PTBP3: variants seen among roughly 807,000 people sequenced by gnomAD.
The protein encoded by PTBP3 is polypyrimidine tract binding protein 3.
PTBP3 carries 20 observed loss-of-function variants against 58.7 expected under a neutral mutation model. The observed-to-expected ratio is 0.34, with a 90% CI of 0.24 to 0.50. The LOEUF is 0.50. Ranked by LOEUF, PTBP3 falls within the 20% of genes least tolerant of loss-of-function variation. The pLI is 0.98. For missense variants in PTBP3, 509 were observed against 637.2 expected (o/e 0.80, Z 2.17); for synonymous variants, 185 against 219.8 (o/e 0.84, Z 1.40).
intron 5 of PTBP3, 108 bp from the exon 6 acceptor site, chr9:112,252,896 G>C: frequency 1.5e-6 from 1 of 687,276 alleles, no homozygotes; most frequent in South Asian, 2.0e-5. Flanking sequence ...ATTTTCTCTT[G>C]AAAACTTTGG....
At chr9:112,344,886 A>G in the PTBP3 span, among the ~76,000 whole-genome samples, 1 of 152,122 alleles carries the variant, frequency 6.6e-6, no homozygotes, top group Non-Finnish European at 1.5e-5. Flanking sequence ...GTAATTCCAC[A>G]CTTTGGGAGG....
chr9:112,292,382 A>G (rs1358748413), intron 2 of PTBP3, among the ~76,000 whole-genome samples: 2 of 152,184 alleles, frequency 1.3e-5, no homozygotes, highest in African/African-American at 4.8e-5. Flanking sequence ...TCCTCAAAAT[A>G]ATAAAAAACA....
intron 1 of PTBP3, among the ~76,000 whole-genome samples, chr9:112,299,734 C>G (rs1362518611): frequency 6.6e-6 from 1 of 152,194 alleles, no homozygotes; most frequent in African/African-American, 2.4e-5. Context: ...ATTGACAACA[C>G]AGTTTTGTAA....
chr9:112,346,191 G>A, the PTBP3 span, among the ~76,000 whole-genome samples: 1 of 150,264 alleles, frequency 6.7e-6, no homozygotes, highest in Admixed American at 6.6e-5. Context: ...TTTCTGAAAC[G>A]AAGTCTTGCT....
the PTBP3 span, among the ~76,000 whole-genome samples, chr9:112,351,570 C>G: frequency 6.6e-6 from 1 of 152,192 alleles, no homozygotes; most frequent in Non-Finnish European, 1.5e-5. Context: ...GAGCTATGCT[C>G]TACTTCCTTG....
In PTBP3 at chr9:112,220,120, G is replaced by C. The variant is rs1194939322; in HGVS notation, c.*3731C>G. 1.6e-6 allele frequency: 2 copies of C among 1,280,080 alleles called. No individual in the cohort carries two copies. The highest frequency in any genetic ancestry group is 5.5e-5 in the East Asian group (1 of 18,254). 79.3% of individuals were successfully genotyped at this position (1,280,080 alleles called of 1,614,324 possible). On this transcript the variant is annotated 3_prime_UTR_variant, in exon 14 of 14. Coordinates refer to ENST00000374257, the MANE Select transcript of PTBP3 (RefSeq NM_001163788.4). ...TCTCTTTTTGGTTTTAAAAATAGCA[G>C]TACACATTAGGTTTTCTAAGGGATA... is the stretch of plus-strand genomic sequence containing the variant.
At chr9:112,243,448 A>G (rs1035558677) in intron 7 of PTBP3, among the ~76,000 whole-genome samples, 1 of 152,084 alleles carries the variant, frequency 6.6e-6, no homozygotes, top group Admixed American at 6.6e-5. Context: ...AGGCCGAGGC[A>G]TGAGAATTGC....
At position 112,289,779 on chromosome 9, in the gene PTBP3, T is replaced by TTG. The variant is rs200308648; in HGVS notation, c.34+8051_34+8052dup. Reference sequence around the variant, plus strand: ...CATCTACACACATATAATACTTATTTTGTGTGTGTGTATATATACATATAT... The same window carrying TTG: ...CATCTACACACATATAATACTTATTTTGTGTGTGTGTGTATATATACATATAT... On this transcript the variant is annotated intron_variant, in intron 2 of 13. Coordinates refer to ENST00000374257, the MANE Select transcript of PTBP3 (RefSeq NM_001163788.4). Among the ~76,000 whole-genome samples the TTG allele has an allele frequency of 7.3e-3, 1,105 of 152,258 alleles. 8 individuals are homozygous for TTG. Among genetic ancestry groups the TTG allele is most frequent in the Middle Eastern group, 0.017 (5 of 294 alleles).
chr9:112,284,068 A>C (rs1422804620), intron 2 of PTBP3, among the ~76,000 whole-genome samples: 1 of 152,212 alleles, frequency 6.6e-6, no homozygotes, highest in Non-Finnish European at 1.5e-5. Flanking sequence ...TGGAGCCCTC[A>C]TAGAGAAGCT....
chr9:112,310,582 G>A (rs1829433457), intron 1 of PTBP3, among the ~76,000 whole-genome samples: 1 of 152,082 alleles, frequency 6.6e-6, no homozygotes, highest in African/African-American at 2.4e-5. Context: ...GGAAGATTAG[G>A]GAACAAACGA....
rs749105077 is a variant in PTBP3 at position 112,275,923 on chromosome 9, A to C, written c.125T>G (p.Val42Gly). The change falls in exon 3 of 14, where the codon GTC becomes GGC. Residue 42 changes from valine (V) to glycine (G), a missense_variant. This residue lies in a region of PTBP3 where 212 missense variants were observed against 215.3 expected (regional missense o/e 0.98). Coordinates refer to ENST00000374257, the MANE Select transcript of PTBP3 (RefSeq NM_001163788.4). ...TAATGATATGATCTCTGCTTCGGTG[A>C]CATCACATGGAATTTTTCGAAGATG... is the stretch of plus-strand genomic sequence containing the variant. ...VLHLRKIPCD[V>G]TEAEIISLGL... is the part of the protein sequence containing the mutation. 5 of 1,613,848 alleles carry C rather than the reference A, an allele frequency of 3.1e-6. No individual in the cohort carries two copies. Among genetic ancestry groups the C allele is most frequent in the Non-Finnish European group, 4.2e-6 (5 of 1,179,746 alleles).
chr9:112,307,715 T>C (rs754188139), intron 1 of PTBP3, among the ~76,000 whole-genome samples: 4 of 152,238 alleles, frequency 2.6e-5, no homozygotes, highest in Non-Finnish European at 5.9e-5. Flanking sequence ...GAACTCACTT[T>C]CAAATTACAG....
intron 1 of PTBP3, among the ~76,000 whole-genome samples, chr9:112,328,127 G>C (rs1587898937): frequency 6.6e-6 from 1 of 152,202 alleles, no homozygotes; most frequent in Admixed American, 6.5e-5. Context: ...ACTTATGGAA[G>C]ATAACCTGAA....
At chr9:112,347,560 C>T in the PTBP3 span, among the ~76,000 whole-genome samples, 141 of 152,194 alleles carry the variant, frequency 9.3e-4, no homozygotes, top group Admixed American at 1.8e-3. Context: ...CAAGGCTGGT[C>T]TCGAACTCTT....
upstream of PTBP3, among the ~76,000 whole-genome samples, chr9:112,335,903 CAA>C (rs1430878774): frequency 1.4e-5 from 2 of 146,282 alleles, no homozygotes; most frequent in East Asian, 4.8e-4. Context: ...CCCTGTGTGA[CAA>C]AGTGAGACTC....
chr9:112,320,314 A>T (rs796749265), intron 1 of PTBP3, among the ~76,000 whole-genome samples: 3,456 of 75,686 alleles, frequency 0.046, 154 homozygotes, highest in Non-Finnish European at 0.06. Flanking sequence ...ATATATATAT[A>T]TTTTTTTTTA....
At chr9:112,309,690 A>T (rs1408781012) in intron 1 of PTBP3, among the ~76,000 whole-genome samples, 1 of 151,860 alleles carries the variant, frequency 6.6e-6, no homozygotes, top group Non-Finnish European at 1.5e-5. Flanking sequence ...CGAGTAGCTG[A>T]GGCAGGGGAA....
At chr9:112,372,935 G>A in the PTBP3 span, among the ~76,000 whole-genome samples, 1 of 126,272 alleles carries the variant, frequency 7.9e-6, no homozygotes, top group South Asian at 2.5e-4. Context: ...TTTCACTCTT[G>A]TTGCCCAGGC....
chr9:112,242,122 A>G (rs1835683597), intron 7 of PTBP3, among the ~76,000 whole-genome samples: 1 of 152,166 alleles, frequency 6.6e-6, no homozygotes, highest in South Asian at 2.1e-4. Context: ...TCACATTTTA[A>G]TTAATTTATT....
Sources: gnomAD v4.1 joint callset for allele counts (sites outside exome capture counted in the v4.1 genomes callset) on GRCh38, gnomAD v4.1.1 for gene constraint, gnomAD v4.1.1 regional missense constraint, MANE v1.5 for transcripts, NCBI Gene and HGNC (gene_info 2026-07-23, HGNC 2026-07-21) for gene names.